Variants in PHKB observed in about 807,000 individuals in gnomAD.
PHKB encodes the protein phosphorylase b kinase regulatory subunit beta.
A neutral mutation model predicts 152.1 loss-of-function variants in PHKB; 122 were observed. That is an observed-to-expected ratio of 0.80 (90% CI 0.69 to 0.93). PHKB has a LOEUF of 0.93. Among genes scored for constraint, PHKB ranks in the 40% least tolerant of loss-of-function variants. PHKB has a pLI of 0.00. For missense variants in PHKB, 1,304 were observed against 1,328.4 expected (o/e 0.98, Z 0.29); for synonymous variants, 436 against 464.9 (o/e 0.94, Z 0.80).
intron 6 of PHKB, among the ~76,000 whole-genome samples, chr16:47,532,353 TGTTATGGG>T (rs1970875687): frequency 6.6e-6 from 1 of 152,150 alleles, no homozygotes; most frequent in Admixed American, 6.5e-5. Context: ...AGTGTTATGG[TGTTATGGG>T]ATCCTTGGGG....
rs185672896 is a variant in PHKB at position 47,559,109 on chromosome 16, A to G, written c.710+11561A>G. Among the ~76,000 whole-genome samples the G allele has an allele frequency of 1.7e-3, 263 of 152,302 alleles. 1 individual carries two copies. Among genetic ancestry groups the G allele is most frequent in the African/African-American group, 6.1e-3 (254 of 41,586 alleles). ...GTTAACTGAATGTAAGTTTTTATGC[A>G]TTGGGGCCTAAGGGAGCTCCTGGGT... On this transcript the variant is annotated intron_variant, in intron 7 of 30. Transcript: ENST00000323584.
At chr16:47,492,417 T>A (rs1241141508) in intron 1 of PHKB, among the ~76,000 whole-genome samples, 1 of 152,234 alleles carries the variant, frequency 6.6e-6, no homozygotes, top group Non-Finnish European at 1.5e-5. Context: ...ACTGCTGATC[T>A]GGTGGAGAAA....
At chr16:47,533,466 G>C (rs528044403) in intron 6 of PHKB, among the ~76,000 whole-genome samples, 1 of 152,168 alleles carries the variant, frequency 6.6e-6, no homozygotes, top group Admixed American at 6.5e-5. Flanking sequence ...TAGGTGCCAA[G>C]AGGGCCTGCA....
intron 22 of PHKB, 121 bp downstream of exon 22, chr16:47,660,940 G>A (rs547138331): frequency 3.1e-6 from 3 of 960,580 alleles, no homozygotes; most frequent in East Asian, 5.0e-5. Context: ...GGAGGTGGAT[G>A]ACTTGTCTAC....
intron 26 of PHKB, among the ~76,000 whole-genome samples, chr16:47,680,367 T>A (rs1973826082): frequency 6.6e-6 from 1 of 152,228 alleles, no homozygotes; most frequent in Non-Finnish European, 1.5e-5. Flanking sequence ...CTTGTACCTC[T>A]GGTAGAATTT....
Position 47,693,402 on chromosome 16 carries a change from C to T in PHKB, c.2790C>T (p.Ile930=), listed in dbSNP as rs201377441. Residue 930 remains isoleucine (I), a synonymous_variant, in exon 28 of 31, where the codon ATC becomes ATT. Coordinates refer to ENST00000323584, the MANE Select transcript of PHKB (RefSeq NM_000293.3). ...GATGTTGGCTGAACAGGCGTCAGATCGATGGGTCTTTGAATAGAACTCCCA... is the reference window on the plus strand; with the variant it reads ...GATGTTGGCTGAACAGGCGTCAGATTGATGGGTCTTTGAATAGAACTCCCA... ...NGRCWLNRRQ[I]DGSLNRTPTG... 7 of 1,613,870 alleles carry T rather than the reference C, an allele frequency of 4.3e-6. No individual in the cohort carries two copies. Among genetic ancestry groups the T allele is most frequent in the South Asian group, 1.1e-5 (1 of 91,072 alleles).
chr16:47,599,136 T>A (rs984813028), intron 13 of PHKB: 1 of 470,692 alleles, frequency 2.1e-6, no homozygotes, highest in Admixed American at 3.8e-5. Flanking sequence ...TTGTTACAGT[T>A]AAGTAAAACA....
At chr16:47,592,028 C>G (rs1340736962) in intron 10 of PHKB, among the ~76,000 whole-genome samples, 2 of 152,174 alleles carry the variant, frequency 1.3e-5, no homozygotes, top group Non-Finnish European at 2.9e-5. Flanking sequence ...CTACTGACAT[C>G]TGGAAGGTAG....
In PHKB at chr16:47,511,782, GATT is replaced by G; in HGVS notation, c.513+13_513+15del. 1 of 1,455,318 alleles carries G rather than the reference GATT, an allele frequency of 6.9e-7. No homozygotes were observed. The highest frequency in any genetic ancestry group is 9.7e-7 in the Non-Finnish European group (1 of 1,034,984). 90.2% of individuals were successfully genotyped at this position (1,455,318 alleles called of 1,614,324 possible). A position where few individuals can be genotyped will look rare whatever the true frequency, so the allele number is the denominator to read the frequency against. ...ATATGGTCATCTTCAGGTAAAAAGAGATTATACATTTTATTCTCCTTATATTAT... is the reference window on the plus strand; with the variant it reads ...ATATGGTCATCTTCAGGTAAAAAGAGATACATTTTATTCTCCTTATATTAT... On this transcript the variant is annotated intron_variant, in intron 5 of 30. Coordinates refer to ENST00000323584, the MANE Select transcript of PHKB (RefSeq NM_000293.3).
intron 4 of PHKB, among the ~76,000 whole-genome samples, chr16:47,506,380 A>C (rs1290682297): frequency 1.3e-5 from 2 of 152,198 alleles, no homozygotes; most frequent in Non-Finnish European, 2.9e-5. Context: ...AAAACCTTTA[A>C]TTTGTCTATT....
At chr16:47,525,372 A>G (rs1447581699) in intron 6 of PHKB, among the ~76,000 whole-genome samples, 2 of 152,192 alleles carry the variant, frequency 1.3e-5, no homozygotes, top group Non-Finnish European at 2.9e-5. Context: ...ACTACTTTCT[A>G]TCAGTGTTAA....
At chr16:47,662,428 G>GTAC (rs1267360286) in intron 23 of PHKB, among the ~76,000 whole-genome samples, 2 of 152,152 alleles carry the variant, frequency 1.3e-5, no homozygotes, top group Non-Finnish European at 2.9e-5. Flanking sequence ...TACAGTTCAA[G>GTAC]TACTTAATGT....
intron 14 of PHKB, among the ~76,000 whole-genome samples, chr16:47,628,587 A>G (rs897989172): frequency 6.6e-6 from 1 of 152,226 alleles, no homozygotes; most frequent in Non-Finnish European, 1.5e-5. Context: ...ATACAATTGC[A>G]AAAATTAGAA....
chr16:47,660,674 G>C lies in PHKB; in HGVS notation c.2051G>C (p.Ser684Thr). ...ATTTTTAGGCTTCCAGAATTTAAGA[G>C]TTTTGAGGAACTAGAACCTCCCAAA... ...SDTEELPEFK[S>T]FEELEPPKHS... Residue 684 changes from serine to threonine, a missense_variant, in exon 22 of 31, where the codon AGT becomes ACT. By Grantham distance (58) the Ser-to-Thr change is moderately conservative. Coordinates refer to ENST00000323584, the MANE Select transcript of PHKB (RefSeq NM_000293.3). 6.2e-7 allele frequency: 1 copy of C among 1,614,088 alleles called. No individual in the cohort carries two copies. The highest frequency in any genetic ancestry group is 1.1e-5 in the South Asian group (1 of 91,082).
chr16:47,622,423 T>C (rs1952837991), intron 14 of PHKB, among the ~76,000 whole-genome samples: 1 of 152,204 alleles, frequency 6.6e-6, no homozygotes, highest in Non-Finnish European at 1.5e-5. Flanking sequence ...GTCTACTTTC[T>C]TGAGGAATGA....
chr16:47,622,362 A>G (rs1972632127), intron 14 of PHKB, among the ~76,000 whole-genome samples: 1 of 152,154 alleles, frequency 6.6e-6, no homozygotes, highest in African/African-American at 2.4e-5. Context: ...TTAATAATCT[A>G]TATCCTGACA....
At chr16:47,608,398 T>G (rs1448613256) in intron 13 of PHKB, among the ~76,000 whole-genome samples, 1 of 152,248 alleles carries the variant, frequency 6.6e-6, no homozygotes, top group Non-Finnish European at 1.5e-5. Flanking sequence ...CATTTGAATA[T>G]CCAATTGTCT....
At chr16:47,566,223 C>T (rs1470312862) in intron 7 of PHKB, 17 of 775,084 alleles carry the variant, frequency 2.2e-5, no homozygotes, top group African/African-American at 5.1e-5. Flanking sequence ...ATAACGATCT[C>T]GATACTTGTC....
At chr16:47,537,364 C>T (rs1179462524) in intron 6 of PHKB, among the ~76,000 whole-genome samples, 1 of 152,196 alleles carries the variant, frequency 6.6e-6, no homozygotes, top group Non-Finnish European at 1.5e-5. Flanking sequence ...GAACAAAAAG[C>T]TGATTGGTTG....
Sources: allele counts gnomAD v4.1 joint callset (sites outside exome capture counted in the v4.1 genomes callset), GRCh38; gene constraint gnomAD v4.1.1; transcripts MANE v1.5; gene names NCBI Gene and HGNC (gene_info 2026-07-23, HGNC 2026-07-21).